Variants in COL28A1 observed in about 807,000 individuals in gnomAD.
The protein encoded by COL28A1 is collagen type XXVIII alpha 1 chain.
In COL28A1, 161 loss-of-function variants were observed where a neutral mutation model predicts 150.2. The ratio of observed to expected loss-of-function variants is 1.07; its 90% confidence interval spans 0.94 to 1.22. The LOEUF is 1.22. Ranked by LOEUF, COL28A1 falls within the 50% of genes most tolerant of loss-of-function variation. The probability of loss-of-function intolerance (pLI) is 0.00; values close to 1 mark genes in which losing one functional copy is unlikely to be tolerated. For synonymous variants in COL28A1, 552 were observed against 469.7 expected (o/e 1.18, Z -2.26); for missense variants, 1,617 against 1,388.3 (o/e 1.16, Z -2.62).
chr7:7,367,628 C>T (rs536569628), intron 33 of COL28A1, among the ~76,000 whole-genome samples: 3 of 152,174 alleles, frequency 2.0e-5, no homozygotes, highest in African/African-American at 7.2e-5. Context: ...CTCCCCTCCC[C>T]AGCTACTAGA....
At position 7,520,074 on chromosome 7, in the gene COL28A1, T is replaced by C. The variant is rs1467342564; in HGVS notation, c.801A>G (p.Pro267=). The change falls in exon 6 of 35, where the codon CCA becomes CCG. Residue 267 remains proline, a synonymous_variant. Transcript: ENST00000399429. ...GNPGIKGERG[P]KGNPGNAQKG... ...TTTATTCATTTACCGGGTTTCCTTT[T>C]GGTCCTCGCTCACCTTTGATACCTG... The C allele has an allele frequency of 4.9e-6, 7 of 1,420,534 alleles. No individual in the cohort carries two copies. The highest frequency in any genetic ancestry group is 2.3e-5 in the East Asian group (1 of 43,994). The allele number at this position is 1,420,534 out of a possible 1,614,324, so 88.0% of individuals were successfully genotyped here.
intron 15 of COL28A1, among the ~76,000 whole-genome samples, chr7:7,463,974 C>T (rs1010450934): frequency 3.9e-5 from 6 of 152,190 alleles, no homozygotes; most frequent in Non-Finnish European, 7.4e-5. Flanking sequence ...AATGACATTT[C>T]ATGCAAATGG....
chr7:7,481,164 C>G (rs879327934), intron 13 of COL28A1, among the ~76,000 whole-genome samples: 4 of 152,220 alleles, frequency 2.6e-5, no homozygotes, highest in Non-Finnish European at 5.9e-5. Context: ...AACACTGAAT[C>G]TTCCTTCATT....
Position 7,482,124 on chromosome 7 carries a change from C to T in COL28A1, c.1165-4944G>A, listed in dbSNP as rs189944768. Among the ~76,000 whole-genome samples the T allele has an allele frequency of 7.8e-3, 1,181 of 152,212 alleles. 40 individuals are homozygous for T. Among genetic ancestry groups the T allele is most frequent in the Admixed American group, 0.054 (824 of 15,298 alleles). Reference sequence around the variant, plus strand: ...AGTGAAAAGAGAGTAGTACTAAATACGAAACACTTGAAATAATTCAGGCAA... The same window carrying T: ...AGTGAAAAGAGAGTAGTACTAAATATGAAACACTTGAAATAATTCAGGCAA... On this transcript the variant is annotated intron_variant, in intron 13 of 34. Transcript: ENST00000399429.
At chr7:7,363,435 C>A (rs914291320) in intron 33 of COL28A1, among the ~76,000 whole-genome samples, 1 of 152,134 alleles carries the variant, frequency 6.6e-6, no homozygotes, top group Admixed American at 6.5e-5. Context: ...AAAATAATTT[C>A]ATCAATTTTC....
At chr7:7,363,697 C>CA (rs1048190522) in intron 33 of COL28A1, among the ~76,000 whole-genome samples, 1 of 151,696 alleles carries the variant, frequency 6.6e-6, no homozygotes. Context: ...GTTGTTGTTA[C>CA]AAAAAAATAC....
chr7:7,543,222 T>A, the COL28A1 span, among the ~76,000 whole-genome samples: 2 of 152,204 alleles, frequency 1.3e-5, no homozygotes, highest in Non-Finnish European at 2.9e-5. Flanking sequence ...ATGAGTATAG[T>A]TCCAACAAGA....
intron 27 of COL28A1, among the ~76,000 whole-genome samples, chr7:7,396,511 T>G (rs1377985380): frequency 6.6e-6 from 1 of 152,200 alleles, no homozygotes; most frequent in Non-Finnish European, 1.5e-5. Flanking sequence ...TTTAAAATCC[T>G]TTTCCTTTGT....
intron 20 of COL28A1, 151 bp downstream of exon 20, chr7:7,443,434 T>C: frequency 8.3e-7 from 1 of 1,207,560 alleles, no homozygotes; most frequent in East Asian, 2.6e-5. Flanking sequence ...GCTTGCTGTC[T>C]TCCAAAAGCT....
intron 25 of COL28A1, among the ~76,000 whole-genome samples, chr7:7,420,774 A>T (rs1784352121): frequency 6.6e-6 from 1 of 152,244 alleles, no homozygotes; most frequent in African/African-American, 2.4e-5. Flanking sequence ...TTTACCACAG[A>T]ATAGGCACTT....
At position 7,432,408 on chromosome 7, in the gene COL28A1, ACC is replaced by A. The variant is rs1483996947; in HGVS notation, c.1998+63_1998+64del. 1,761 of 1,369,850 alleles carry A rather than the reference ACC, an allele frequency of 1.3e-3. 12 individuals carry two copies. The African/African-American group carries it at 0.019, about 15-fold the overall frequency. 84.9% of individuals were successfully genotyped at this position (1,369,850 alleles called of 1,614,324 possible). A position where few individuals can be genotyped will look rare whatever the true frequency, so the allele number is the denominator to read the frequency against. On this transcript the variant is annotated intron_variant, in intron 25 of 34. Transcript: ENST00000399429. ...CTAGCTGATAAAAAATTTTATTTTTACCAAAGTCACCTACCTATAGGTGCACT... is the reference window on the plus strand; with the variant it reads ...CTAGCTGATAAAAAATTTTATTTTTAAAAGTCACCTACCTATAGGTGCACT...
At chr7:7,481,933 A>G (rs984337558) in intron 13 of COL28A1, among the ~76,000 whole-genome samples, 1 of 152,148 alleles carries the variant, frequency 6.6e-6, no homozygotes, top group Admixed American at 6.5e-5. Context: ...AAACAAACAG[A>G]TCACCCTGAC....
At chr7:7,415,497 G>A (rs1784022736) in intron 27 of COL28A1, among the ~76,000 whole-genome samples, 1 of 152,192 alleles carries the variant, frequency 6.6e-6, no homozygotes, top group Non-Finnish European at 1.5e-5. Flanking sequence ...CCAACTGGAT[G>A]CCAGGCAATC....
At chr7:7,520,168 A>C (rs1253120993) in intron 5 of COL28A1, 53 bp from the exon 6 acceptor site, 1 of 818,614 alleles carries the variant, frequency 1.2e-6, no homozygotes, top group African/African-American at 1.7e-5. Flanking sequence ...ATTGTTTTCT[A>C]TACTTTATAA....
intron 11 of COL28A1, among the ~76,000 whole-genome samples, chr7:7,491,811 C>T (rs2348335): frequency 0.99 from 150,992 of 152,358 alleles, 74,822 homozygotes; most frequent in East Asian, 1. Context: ...GGCTATTGAC[C>T]CCAATTACCC....
intron 3 of COL28A1, among the ~76,000 whole-genome samples, chr7:7,530,897 C>T (rs952391807): frequency 2.0e-5 from 3 of 151,940 alleles, no homozygotes; most frequent in Non-Finnish European, 1.5e-5. Flanking sequence ...AATACTCAGT[C>T]CTTTAGAAGA....
At chr7:7,474,144 C>A in intron 15 of COL28A1, among the ~76,000 whole-genome samples, 1 of 150,022 alleles carries the variant, frequency 6.7e-6, no homozygotes, top group Admixed American at 6.7e-5. Flanking sequence ...TTTGCAGTGA[C>A]CTGAATGAGA....
chr7:7,438,009 G>A lies in COL28A1; in HGVS notation c.1723-547C>T, dbSNP rs980661188. On this transcript the variant is annotated intron_variant, in intron 21 of 34. Transcript: ENST00000399429. ...CAGCCTTTGGGAGGCCGAGGCTGGC[G>A]GATCACTTGAGGTCAGGAGTTTTGA... Among the ~76,000 whole-genome samples the A allele has an allele frequency of 5.3e-5, 8 of 151,910 alleles. No homozygotes were observed. The East Asian group carries it at 9.6e-4, about 18-fold the overall frequency.
intron 27 of COL28A1, among the ~76,000 whole-genome samples, chr7:7,399,132 C>T (rs571269230): frequency 1.3e-5 from 2 of 152,226 alleles, no homozygotes; most frequent in South Asian, 2.1e-4. Flanking sequence ...CATCAAAATA[C>T]ACCTTAGCCA....
Sources: gnomAD v4.1 joint callset for allele counts (sites outside exome capture counted in the v4.1 genomes callset) on GRCh38, gnomAD v4.1.1 for gene constraint, MANE v1.5 for transcripts, NCBI Gene and HGNC (gene_info 2026-07-23, HGNC 2026-07-21) for gene names.